The following NAT9 variants were observed in gnomAD, a reference collection of about 807,000 sequenced individuals.
NAT9 encodes N-acetyltransferase 9, also known as alpha/beta-tubulin-N-acetyltransferase 9.
Under a neutral mutation model 24.0 loss-of-function variants are expected in NAT9, and 18 were observed. The ratio of observed to expected loss-of-function variants is 0.75; its 90% CI spans 0.52 to 1.11. NAT9 has a LOEUF of 1.11. Among genes scored for constraint, NAT9 ranks in the 50% most tolerant of loss-of-function variants. The pLI, the probability that NAT9 is intolerant of heterozygous loss-of-function variation, is 0.00. For missense variants in NAT9, 254 were observed against 258.6 expected, an observed-to-expected ratio of 0.98 and a Z score of 0.12; for synonymous variants, 104 against 102.3, an observed-to-expected ratio of 1.02 and a Z score of -0.10.
rs988536380 is a variant in NAT9 at position 74,776,309 on chromosome 17, C to G, written c.-52G>C. 2 of 152,530 alleles carry G rather than the reference C, an allele frequency of 1.3e-5. No individual in the cohort carries two copies. The highest frequency in any genetic ancestry group is 2.1e-4 in the South Asian group (1 of 4,850). 9.4% of individuals were successfully genotyped at this position (152,530 alleles called of 1,614,324 possible). Reference sequence around the variant, plus strand: ...GTCCCCCGCAGAAAGGGTGATCTACCTCCTCCAACCAGCCACGTTCCCAGG... The same window carrying G: ...GTCCCCCGCAGAAAGGGTGATCTACGTCCTCCAACCAGCCACGTTCCCAGG... On this transcript the variant is annotated 5_prime_UTR_variant, in exon 1 of 7. Coordinates refer to ENST00000357814, the MANE Select transcript of NAT9 (RefSeq NM_015654.5).
intron 3 of NAT9, 160 bp downstream of exon 3, chr17:74,773,416 A>C: frequency 1.6e-6 from 1 of 636,836 alleles, no homozygotes; most frequent in South Asian, 1.8e-5. Flanking sequence ...AGCCACAGGG[A>C]CTGGCTTCAG....
At position 74,772,263 on chromosome 17, in the gene NAT9, C is replaced by A. The variant is rs202179083; in HGVS notation, c.349G>T (p.Gly117Cys). 3 of 1,614,032 alleles carry A rather than the reference C, an allele frequency of 1.9e-6. No individual in the cohort carries two copies. Among genetic ancestry groups the A allele is most frequent in the African/African-American group, 2.7e-5 (2 of 74,956 alleles). ...ACGGCCTCAGTGCCAAGGCCCTTAC[C>A]CCTGCAGCTGGGCTCTAGGAGAGAC... ...EVMIAEPSCR[G>C]KGLGTEAVLA... The change falls in exon 5 of 7, where the codon GGT (glycine) becomes TGT (cysteine). Residue 117 changes from glycine (G) to cysteine (C), a missense_variant. Coordinates refer to ENST00000357814, the MANE Select transcript of NAT9 (RefSeq NM_015654.5).
intron 2 of NAT9, 95 bp downstream of exon 2, chr17:74,775,527 A>G (rs900586607): frequency 1.0e-5 from 11 of 1,068,194 alleles, no homozygotes; most frequent in Non-Finnish European, 1.4e-5. Context: ...CTCACAACCA[A>G]TGTTTCTTCT....
chr17:74,775,622 C>A lies in NAT9; in HGVS notation c.77G>T (p.Ser26Ile), dbSNP rs781571499. The A allele has an allele frequency of 6.2e-7, 1 of 1,613,770 alleles. No individual in the cohort carries two copies. Among genetic ancestry groups the A allele is most frequent in the Non-Finnish European group, 8.5e-7 (1 of 1,179,706 alleles). ...ACCCCATGTCAAGCGGGAAAGATAC[C>A]TGGGCACATGCTCCGAGGTGTAGGG... ...LVPYTSEHVPSRYHEWMKSEE... is the reference protein window; with the variant it reads ...LVPYTSEHVPIRYHEWMKSEE... The change falls in exon 2 of 7, where the codon AGC becomes ATC. Residue 26 changes from serine (S) to isoleucine (I), a missense_variant and splice_region_variant. Ser to Ile is a moderately radical substitution (Grantham distance 142). Transcript: ENST00000357814.
chr17:74,771,677 G>T lies in NAT9; in HGVS notation c.*47C>A. 2 of 1,610,458 alleles carry T rather than the reference G, an allele frequency of 1.2e-6. No homozygotes were observed. The highest frequency in any genetic ancestry group is 1.1e-5 in the South Asian group (1 of 90,962). ...GGGCTCTGGTCTTTGAAGTGTATGG[G>T]CCCAACACCCTGCTCACACAGAGTG... On this transcript the variant is annotated 3_prime_UTR_variant, in exon 7 of 7. Coordinates refer to ENST00000357814, the MANE Select transcript of NAT9 (RefSeq NM_015654.5).
At chr17:74,775,586 T>C (rs760557429) in intron 2 of NAT9, 36 bp downstream of exon 2, 1 of 1,576,008 alleles carries the variant, frequency 6.3e-7, no homozygotes. Flanking sequence ...CAGCTCTGGG[T>C]GCTGATACGC....
intron 2 of NAT9, among the ~76,000 whole-genome samples, chr17:74,774,303 T>G (rs2035651061): frequency 6.6e-6 from 1 of 152,198 alleles, no homozygotes; most frequent in South Asian, 2.1e-4. Flanking sequence ...TCTTCCACGT[T>G]TAGTTTACAT....
chr17:74,772,579 G>A (rs2035377018), intron 4 of NAT9: 1 of 1,404,568 alleles, frequency 7.1e-7, no homozygotes, highest in Non-Finnish European at 9.2e-7. Context: ...GCCTCCTCCT[G>A]TAATATGACA....
At position 74,771,743 on chromosome 17, in the gene NAT9, C is replaced by A. The variant is rs1005850617; in HGVS notation, c.605G>T (p.Gly202Val). 3 of 1,613,908 alleles carry A rather than the reference C, an allele frequency of 1.9e-6. No homozygotes were observed. The highest frequency in any genetic ancestry group is 1.7e-5 in the Admixed American group (1 of 60,022). ...SHVEEKPYRD[G>V]SAEPC ...CAGCCATCAGCAGGGCTCTGCCGAC[C>A]CATCTCTGTAAGGCTTCTCTTCCAC... is the stretch of plus-strand genomic sequence containing the variant. The change falls in exon 7 of 7, where the codon GGG (glycine) becomes GTG (valine). Residue 202 changes from glycine (G) to valine (V), a missense_variant. Physicochemically the swap from Gly to Val is moderately radical, Grantham distance 109 (BLOSUM62 -3). Transcript: ENST00000357814.
rs775314920 is a variant in NAT9, at chr17:74,775,639, G to A, written c.60C>T (p.Thr20=). ...LGKKVVLVPY[T]SEHVPSRYHE... ...AAAGATACCTGGGCACATGCTCCGAGGTGTAGGGTACAAGGACCACCTTCT... is the reference window on the plus strand; with the variant it reads ...AAAGATACCTGGGCACATGCTCCGAAGTGTAGGGTACAAGGACCACCTTCT... Residue 20 remains threonine (T), a synonymous_variant, in exon 2 of 7, where the codon ACC becomes ACT. Transcript: ENST00000357814. 9 of 1,613,904 alleles carry A rather than the reference G, an allele frequency of 5.6e-6. No homozygotes were observed. In the African/African-American group the frequency reaches 8.0e-5, roughly 14 times the overall value.
chr17:74,775,178 T>C (rs982582432), intron 2 of NAT9, among the ~76,000 whole-genome samples: 5 of 151,280 alleles, frequency 3.3e-5, no homozygotes, highest in African/African-American at 1.2e-4. Flanking sequence ...TGTTTGTTTT[T>C]GTTTTTTTGT....
At chr17:74,772,864 G>C in intron 4 of NAT9, 32 bp downstream of exon 4, 1 of 1,612,988 alleles carries the variant, frequency 6.2e-7, no homozygotes, top group Non-Finnish European at 8.5e-7. Context: ...AGAGCCGGGA[G>C]TCAGCGGAAG....
In NAT9 at chr17:74,773,040, C is replaced by CTT. The variant is rs749051307; in HGVS notation, c.191-2_191-1insAA. On this transcript the variant is annotated splice_acceptor_variant, in intron 3 of 6. Coordinates refer to ENST00000357814, the MANE Select transcript of NAT9 (RefSeq NM_015654.5). LOFTEE classifies it high-confidence loss of function. ...GCATCCAGCACAATGAAGGTACACT[C>CTT]TGAGGAGGAGGTGACAGGGCTATCA... 3.1e-6 allele frequency: 5 copies of CTT among 1,613,556 alleles called. No individual in the cohort carries two copies. In the African/African-American group the frequency reaches 6.7e-5, roughly 22 times the overall value.
chr17:74,775,709 T>C lies in NAT9; in HGVS notation c.-9-2A>G. The C allele has an allele frequency of 5.0e-6, 8 of 1,613,760 alleles. No individual in the cohort carries two copies. The highest frequency in any genetic ancestry group is 6.8e-6 in the Non-Finnish European group (8 of 1,179,700). On this transcript the variant is annotated splice_acceptor_variant, in intron 1 of 6. Transcript: ENST00000357814. LOFTEE classifies it low-confidence loss of function (5UTR_SPLICE). Reference sequence around the variant, plus strand: ...CTGATTCAACCTCATGGTAGCAGCCTGCATGCAGATGGGGAGAGCAAAGAC... The same window carrying C: ...CTGATTCAACCTCATGGTAGCAGCCCGCATGCAGATGGGGAGAGCAAAGAC...
In NAT9 at chr17:74,772,063, G is replaced by A; in HGVS notation, c.395-9C>T. 1 of 1,614,168 alleles carries A rather than the reference G, an allele frequency of 6.2e-7. No individual in the cohort carries two copies. The highest frequency in any genetic ancestry group is 1.1e-5 in the South Asian group (1 of 91,078). On this transcript the variant is annotated splice_polypyrimidine_tract_variant and intron_variant, in intron 5 of 6. Transcript: ENST00000357814. ...ACCTAGCGTGGTCACTCCTCGCAGA[G>A]GAGATGAGACAGGGGCAAGTAAGGA...
chr17:74,774,823 T>A (rs2035777327), intron 2 of NAT9, among the ~76,000 whole-genome samples: 1 of 152,088 alleles, frequency 6.6e-6, no homozygotes, highest in Non-Finnish European at 1.5e-5. Context: ...GTGCTGGGAT[T>A]ACAGGCGTGA....
At chr17:74,773,063 T>C in intron 3 of NAT9, 24 bp from the exon 4 acceptor site, 1 of 1,611,752 alleles carries the variant, frequency 6.2e-7, no homozygotes, top group Non-Finnish European at 8.5e-7. Flanking sequence ...GACAGGGCTA[T>C]CACACACACT....
rs751812126 is a variant in NAT9, at chr17:74,773,701, G to T, written c.78-13C>A. The T allele has an allele frequency of 3.7e-6, 6 of 1,611,758 alleles. No homozygotes were observed. The highest frequency in any genetic ancestry group is 3.3e-5 in the Admixed American group (2 of 59,996). On this transcript the variant is annotated splice_polypyrimidine_tract_variant and intron_variant, in intron 2 of 6. Transcript: ENST00000357814. ...CTCGTGGTACCTGCTGGGACAGAGG[G>T]GTGGCTTTAGACATGGAGGACTCAT... is the stretch of plus-strand genomic sequence containing the variant.
At chr17:74,773,251 G>A in intron 3 of NAT9, 1 of 634,524 alleles carries the variant, frequency 1.6e-6, no homozygotes, top group Non-Finnish European at 2.7e-6. Context: ...AATTCTCAGA[G>A]AGCAGGGAAC....
Sources: gnomAD v4.1 joint callset for allele counts (sites outside exome capture counted in the v4.1 genomes callset) on GRCh38, gnomAD v4.1.1 for gene constraint, MANE v1.5 for transcripts, NCBI Gene and HGNC (gene_info 2026-07-23, HGNC 2026-07-21) for gene names.